ACACA: variants seen among roughly 807,000 people sequenced by gnomAD.
ACACA encodes acetyl-CoA carboxylase 1.
In ACACA, 103 loss-of-function variants were observed where a neutral mutation model predicts 296.1. The ratio of observed to expected loss-of-function variants is 0.35; its 90% CI spans 0.30 to 0.41. ACACA has a LOEUF of 0.41. Ranked by LOEUF, ACACA falls within the 10% of genes least tolerant of loss-of-function variation. The probability of loss-of-function intolerance (pLI) is 1.00; values close to 1 mark genes in which losing one functional copy is unlikely to be tolerated. For synonymous variants in ACACA, 953 were observed against 1,038.6 expected, an observed-to-expected ratio of 0.92 and a Z score of 1.58; for missense variants, 1,554 against 2,989.7, an observed-to-expected ratio of 0.52 and a Z score of 11.20.
At chr17:37,222,322 C>T (rs755583488) in intron 28 of ACACA, among the ~76,000 whole-genome samples, 13 of 152,116 alleles carry the variant, frequency 8.5e-5, no homozygotes, top group Non-Finnish European at 1.3e-4. Flanking sequence ...TGCGTCCTCC[C>T]CGACTTCCCC....
chr17:37,111,183 G>T (rs1486685539), intron 52 of ACACA, among the ~76,000 whole-genome samples: 1 of 151,958 alleles, frequency 6.6e-6, no homozygotes, highest in Non-Finnish European at 1.5e-5. Context: ...AAAGAAACAA[G>T]CAGAAACAGG....
chr17:37,352,735 A>G (rs1568039886), intron 1 of ACACA, among the ~76,000 whole-genome samples: 2 of 152,206 alleles, frequency 1.3e-5, no homozygotes. Context: ...ATCAAAAAAA[A>G]AAAAGAAAAG....
At chr17:37,160,330 G>A (rs893369221) in intron 42 of ACACA, among the ~76,000 whole-genome samples, 5 of 152,202 alleles carry the variant, frequency 3.3e-5, no homozygotes, top group African/African-American at 1.2e-4. Context: ...ACAGAAGTAG[G>A]AACTATTCAT....
chr17:37,372,353 C>T (rs574631625), intron 1 of ACACA, among the ~76,000 whole-genome samples: 1 of 148,254 alleles, frequency 6.7e-6, no homozygotes, highest in Non-Finnish European at 1.5e-5. Context: ...GCGGAGCTTG[C>T]AGTGAGCCGA....
intron 39 of ACACA, among the ~76,000 whole-genome samples, chr17:37,185,661 C>G (rs909177948): frequency 1.3e-5 from 2 of 151,840 alleles, no homozygotes; most frequent in Non-Finnish European, 2.9e-5. Flanking sequence ...CTCCGCCTCC[C>G]GGGTTCTAGC....
intron 52 of ACACA, among the ~76,000 whole-genome samples, chr17:37,098,860 G>C (rs1382969486): frequency 6.6e-6 from 1 of 152,254 alleles, no homozygotes; most frequent in African/African-American, 2.4e-5. Context: ...TGTCCCAGTA[G>C]AGGTGTTGCT....
At chr17:37,327,089 T>C (rs1274745612) in intron 3 of ACACA, among the ~76,000 whole-genome samples, 1 of 152,196 alleles carries the variant, frequency 6.6e-6, no homozygotes, top group South Asian at 2.1e-4. Flanking sequence ...CCTTAATCTA[T>C]GTCACCCATG....
chr17:37,260,290 A>ATTTT (rs2081435491), intron 11 of ACACA, among the ~76,000 whole-genome samples: 3 of 17,554 alleles, frequency 1.7e-4, no homozygotes, highest in Non-Finnish European at 1.0e-4. Flanking sequence ...ATATATATAT[A>ATTTT]TATATATTTT....
chr17:37,392,714 G>A (rs2147816786), intron 1 of ACACA: 1 of 151,918 alleles, frequency 6.6e-6, no homozygotes, highest in South Asian at 2.1e-4. Context: ...TTCAAGTGCT[G>A]TCCAAAAAGT....
At chr17:37,332,868 C>A (rs1381217569) in intron 2 of ACACA, among the ~76,000 whole-genome samples, 1 of 151,072 alleles carries the variant, frequency 6.6e-6, no homozygotes, top group African/African-American at 2.4e-5. Flanking sequence ...TGAGATCATG[C>A]CTCTGCACTC....
intron 11 of ACACA, 57 bp from the exon 12 acceptor site, chr17:37,259,587 A>C (rs549767004): frequency 3.1e-6 from 5 of 1,593,032 alleles, no homozygotes; most frequent in Non-Finnish European, 3.4e-6. Context: ...CTGCTAGACC[A>C]CTACAGCCTC....
At chr17:37,194,940 C>T (rs915098623) in intron 35 of ACACA, among the ~76,000 whole-genome samples, 2 of 151,844 alleles carry the variant, frequency 1.3e-5, no homozygotes, top group African/African-American at 2.4e-5. Context: ...GACACCCCCC[C>T]CACCCGTTAT....
chr17:37,340,760 C>T (rs2048342632), intron 1 of ACACA, among the ~76,000 whole-genome samples: 1 of 152,144 alleles, frequency 6.6e-6, no homozygotes. Context: ...ATCATGTAAC[C>T]AAAGATGCAG....
chr17:37,276,890 T>A (rs2082303987), intron 7 of ACACA, 143 bp downstream of exon 7: 2 of 755,052 alleles, frequency 2.6e-6, no homozygotes, highest in Non-Finnish European at 4.7e-6. Context: ...AGGGTTACTC[T>A]GAGAGTTAGT....
intron 45 of ACACA, among the ~76,000 whole-genome samples, chr17:37,146,395 C>A (rs566327896): frequency 6.9e-6 from 1 of 145,316 alleles, no homozygotes; most frequent in East Asian, 2.0e-4. Context: ...TCAACCTTTT[C>A]TCTTCAAACT....
At chr17:37,166,867 G>A (rs2076686662) in intron 41 of ACACA, among the ~76,000 whole-genome samples, 1 of 152,176 alleles carries the variant, frequency 6.6e-6, no homozygotes, top group Non-Finnish European at 1.5e-5. Flanking sequence ...TTAATTCAAA[G>A]GTAGCTGTAA....
rs756179396 is a variant in ACACA at position 37,155,789 on chromosome 17, C to T, written c.5350-9G>A. 125 of 1,557,596 alleles carry T rather than the reference C, an allele frequency of 8.0e-5. No individual in the cohort carries two copies. Among genetic ancestry groups the T allele is most frequent in the Non-Finnish European group, 1.1e-4 (122 of 1,131,874 alleles). ...TATAAATACCTGTATCCCTGTGAAGCACAAATAGTTTTTAACTCATTATTT... is the reference window on the plus strand; with the variant it reads ...TATAAATACCTGTATCCCTGTGAAGTACAAATAGTTTTTAACTCATTATTT... On this transcript the variant is annotated splice_polypyrimidine_tract_variant and intron_variant, in intron 42 of 55. Coordinates refer to ENST00000616317, the MANE Select transcript of ACACA (RefSeq NM_198834.3).
intron 1 of ACACA, among the ~76,000 whole-genome samples, chr17:37,363,712 A>G (rs1383538861): frequency 6.6e-6 from 1 of 151,376 alleles, no homozygotes; most frequent in Non-Finnish European, 1.5e-5. Flanking sequence ...TGGGCTGGGT[A>G]TGGTGGCTCA....
At chr17:37,323,371 A>C (rs2047444795) in intron 3 of ACACA, among the ~76,000 whole-genome samples, 1 of 152,216 alleles carries the variant, frequency 6.6e-6, no homozygotes, top group African/African-American at 2.4e-5. Context: ...AAGGCCAGAC[A>C]ATCACTTGAG....
Sources: gnomAD v4.1 joint callset for allele counts (sites outside exome capture counted in the v4.1 genomes callset) on GRCh38, gnomAD v4.1.1 for gene constraint, MANE v1.5 for transcripts, NCBI Gene and HGNC (gene_info 2026-07-23, HGNC 2026-07-21) for gene names.